Variants in JMY observed in about 807,000 individuals in gnomAD.
The protein encoded by JMY is junction mediating and regulatory protein, p53 cofactor, also known as junction-mediating and -regulatory protein.
In JMY, 46 loss-of-function variants were observed where a neutral mutation model predicts 103.3. The observed-to-expected ratio is 0.45, with a 90% CI of 0.35 to 0.57. The LOEUF is 0.57. Ranked by LOEUF, JMY falls within the 20% of genes least tolerant of loss-of-function variation. The pLI is 0.00. For synonymous variants in JMY, 526 were observed against 489.3 expected (o/e 1.07, Z -0.99); for missense variants, 1,238 against 1,255.2 (o/e 0.99, Z 0.21).
At position 79,237,019 on chromosome 5, in the gene JMY, G is replaced by A. The variant is rs186952611; in HGVS notation, c.369G>A (p.Leu123=). The change falls in exon 1 of 11, where the codon CTG becomes CTA. Residue 123 remains leucine (L), a synonymous_variant. Transcript: ENST00000396137. ...GGSPRSTRSL[L]GDPRLRSPGS... is the part of the protein sequence containing the mutation. The stretch of plus-strand genomic sequence containing the variant: ...CTCCTCGGAGCACTCGCAGCCTTCT[G>A]GGGGACCCGCGGCTGCGGAGTCCTG... 20 of 1,498,016 alleles carry A rather than the reference G, an allele frequency of 1.3e-5. No homozygotes were observed. The Admixed American group carries it at 4.3e-4, about 32-fold the overall frequency. The allele number at this position is 1,498,016 out of a possible 1,614,324, so 92.8% of individuals were successfully genotyped here. A position where few individuals can be genotyped will look rare whatever the true frequency, so the allele number is the denominator to read the frequency against.
At chr5:79,319,705 G>A (rs560123966) in intron 10 of JMY, among the ~76,000 whole-genome samples, 4 of 151,798 alleles carry the variant, frequency 2.6e-5, no homozygotes, top group South Asian at 4.2e-4. Flanking sequence ...CTCAGCCTCC[G>A]GAGTAGCTGG....
chr5:79,266,353 G>A (rs1197654193), intron 1 of JMY, among the ~76,000 whole-genome samples: 1 of 152,124 alleles, frequency 6.6e-6, no homozygotes, highest in African/African-American at 2.4e-5. Flanking sequence ...ATCAATGCTG[G>A]GCACAGAGTG....
intron 1 of JMY, among the ~76,000 whole-genome samples, chr5:79,247,923 C>T (rs1056457619): frequency 4.0e-5 from 6 of 150,280 alleles, no homozygotes; most frequent in African/African-American, 4.9e-5. Context: ...GACAGAGTCT[C>T]GTTCTGCTGC....
At position 79,256,042 on chromosome 5, in the gene JMY, C is replaced by A. The variant is rs530330718; in HGVS notation, c.1032+18360C>A. Among the ~76,000 whole-genome samples, 65 of 152,368 alleles carry A rather than the reference C, an allele frequency of 4.3e-4. 1 individual carries two copies. Among genetic ancestry groups the A allele is most frequent in the Middle Eastern group, 6.8e-3 (2 of 294 alleles). On this transcript the variant is annotated intron_variant, in intron 1 of 10. Transcript: ENST00000396137. ...TTCAGAGGGAAGAATTCCCCCAGGTCCCTGATGGGTCCTTTCTGGAAGCCA... is the reference window on the plus strand; with the variant it reads ...TTCAGAGGGAAGAATTCCCCCAGGTACCTGATGGGTCCTTTCTGGAAGCCA...
chr5:79,269,021 A>G (rs891776379), intron 1 of JMY, among the ~76,000 whole-genome samples: 2 of 152,218 alleles, frequency 1.3e-5, no homozygotes, highest in East Asian at 1.9e-4. Flanking sequence ...CCACTCACCA[A>G]TTTTTTAATG....
chr5:79,251,779 A>T (rs987192834), intron 1 of JMY, among the ~76,000 whole-genome samples: 8 of 148,728 alleles, frequency 5.4e-5, no homozygotes, highest in Non-Finnish European at 4.5e-5. Flanking sequence ...ATTTTTATTT[A>T]TTTATTTATT....
chr5:79,237,769 T>G, intron 1 of JMY, 87 bp downstream of exon 1: 1 of 1,192,526 alleles, frequency 8.4e-7, no homozygotes, highest in Non-Finnish European at 1.2e-6. Context: ...GTGTCGGGTG[T>G]GCGCAGTAGG....
chr5:79,250,068 G>T (rs552633145), intron 1 of JMY, among the ~76,000 whole-genome samples: 4 of 152,286 alleles, frequency 2.6e-5, no homozygotes, highest in African/African-American at 9.6e-5. Flanking sequence ...ATAAATGTCA[G>T]CTGCTATTGT....
intron 2 of JMY, among the ~76,000 whole-genome samples, chr5:79,281,430 C>T (rs571195226): frequency 5.4e-5 from 8 of 149,418 alleles, no homozygotes; most frequent in African/African-American, 1.7e-4. Flanking sequence ...ACATCTAGGG[C>T]CTACCCAGGA....
At chr5:79,293,089 A>G (rs1454441595) in intron 4 of JMY, among the ~76,000 whole-genome samples, 1 of 152,220 alleles carries the variant, frequency 6.6e-6, no homozygotes, top group Non-Finnish European at 1.5e-5. Context: ...TTTGCAAAAC[A>G]GTACTACCCT....
chr5:79,263,912 C>G (rs1458769533), intron 1 of JMY, among the ~76,000 whole-genome samples: 2 of 152,018 alleles, frequency 1.3e-5, no homozygotes, highest in Non-Finnish European at 2.9e-5. Context: ...ATTCTCCTGC[C>G]TCAGCCTCCA....
intron 1 of JMY, among the ~76,000 whole-genome samples, chr5:79,267,907 A>G (rs996246140): frequency 6.6e-6 from 1 of 152,218 alleles, no homozygotes; most frequent in African/African-American, 2.4e-5. Flanking sequence ...TTAATGATCC[A>G]TGATTTCTGG....
chr5:79,270,334 TA>T (rs1745710823), intron 1 of JMY, among the ~76,000 whole-genome samples: 1 of 139,818 alleles, frequency 7.2e-6, no homozygotes, highest in Non-Finnish European at 1.5e-5. Context: ...CATAAATATT[TA>T]AAATATATAT....
At chr5:79,272,557 ATAGCATACCTTC>A (rs1745816087) in intron 1 of JMY, among the ~76,000 whole-genome samples, 1 of 151,994 alleles carries the variant, frequency 6.6e-6, no homozygotes. Flanking sequence ...ATTGGGGCTT[ATAGCATACCTTC>A]TTAAATTATT....
chr5:79,273,097 G>A (rs1198707993), intron 1 of JMY, among the ~76,000 whole-genome samples: 2 of 152,164 alleles, frequency 1.3e-5, no homozygotes, highest in African/African-American at 2.4e-5. Flanking sequence ...TAGAAATTAA[G>A]AGGAAAAATA....
At chr5:79,265,693 C>T (rs1469919258) in intron 1 of JMY, among the ~76,000 whole-genome samples, 1 of 152,056 alleles carries the variant, frequency 6.6e-6, no homozygotes, top group Admixed American at 6.6e-5. Context: ...GTGTGATGTC[C>T]CACTCCCTCC....
rs574573976 is a variant in JMY at position 79,262,518 on chromosome 5, C to T, written c.1033-15392C>T. ...CATGAATTATAGGAAACGGTTTACA[C>T]GAAAGTCTAATGCTTAGTAAATTGT... is the stretch of plus-strand genomic sequence containing the variant. On this transcript the variant is annotated intron_variant, in intron 1 of 10. Transcript: ENST00000396137. 8.5e-5 allele frequency among the ~76,000 whole-genome samples: 13 copies of T among 152,218 alleles called. 1 individual carries two copies. Among genetic ancestry groups the T allele is most frequent in the Non-Finnish European group, 1.5e-4 (10 of 68,016 alleles).
At chr5:79,316,965 T>C (rs1208633960) in intron 10 of JMY, among the ~76,000 whole-genome samples, 1 of 146,574 alleles carries the variant, frequency 6.8e-6, no homozygotes, top group Non-Finnish European at 1.5e-5. Flanking sequence ...TCCCAGTTAC[T>C]CAGAGGTTGA....
intron 1 of JMY, among the ~76,000 whole-genome samples, chr5:79,258,414 A>G (rs1177898315): frequency 6.8e-6 from 1 of 147,222 alleles, no homozygotes; most frequent in Non-Finnish European, 1.5e-5. Context: ...TTGTGTGGCC[A>G]GTGGTGCCTT....
Sources: allele counts gnomAD v4.1 joint callset (sites outside exome capture counted in the v4.1 genomes callset), GRCh38; gene constraint gnomAD v4.1.1; transcripts MANE v1.5; gene names NCBI Gene and HGNC (gene_info 2026-07-23, HGNC 2026-07-21).